Variants in KMT2C observed in about 807,000 individuals in gnomAD.
The protein encoded by KMT2C is lysine methyltransferase 2C.
A neutral mutation model predicts 507.9 loss-of-function variants in KMT2C; 88 were observed. The observed-to-expected ratio is 0.17, with a 90% CI of 0.15 to 0.21. The LOEUF is 0.21. Ranked by LOEUF, KMT2C falls within the 10% of genes least tolerant of loss-of-function variation. KMT2C has a pLI of 1.00. For synonymous variants in KMT2C, 2,049 were observed against 2,080.8 expected, an observed-to-expected ratio of 0.98 and a Z score of 0.42; for missense variants, 4,954 against 5,957.8, an observed-to-expected ratio of 0.83 and a Z score of 5.55.
chr7:152,167,430 T>C, intron 41 of KMT2C, 52 bp from the exon 42 acceptor site: 1 of 1,215,408 alleles, frequency 8.2e-7, no homozygotes, highest in Non-Finnish European at 1.2e-6. Context: ...AGTCCAACAT[T>C]ATAAGTTACA....
chr7:152,279,585 T>C (rs867214046), intron 6 of KMT2C, among the ~76,000 whole-genome samples: 1 of 152,248 alleles, frequency 6.6e-6, no homozygotes, highest in Non-Finnish European at 1.5e-5. Context: ...TGAATTGACC[T>C]GAAGTAATGA....
At chr7:152,190,274 T>C (rs567620943) in intron 31 of KMT2C, among the ~76,000 whole-genome samples, 88 of 152,308 alleles carry the variant, frequency 5.8e-4, no homozygotes, top group African/African-American at 1.9e-3. Context: ...CAAGAGTTTA[T>C]TGACAAGGAG....
Position 152,182,455 on chromosome 7 carries a change from G to A in KMT2C, c.5405C>T (p.Pro1802Leu), listed in dbSNP as rs2129121031. ...HLLVQSGSDT[P>L]SSGIQSPLTP... Reference sequence around the variant, plus strand: ...CAAGGGACTCTGTATCCCACTACTTGGTGTATCTGAACCAGACTGCACCAG... The same window carrying A: ...CAAGGGACTCTGTATCCCACTACTTAGTGTATCTGAACCAGACTGCACCAG... The change falls in exon 36 of 59, where the codon CCA becomes CTA. Residue 1802 changes from proline (P) to leucine (L), a missense_variant. This residue lies in a region of KMT2C where 1,689 missense variants were observed against 1,654.3 expected (regional missense o/e 1.02). Transcript: ENST00000262189. The A allele has an allele frequency of 6.2e-7, 1 of 1,614,036 alleles. No homozygotes were observed. The highest frequency in any genetic ancestry group is 8.5e-7 in the Non-Finnish European group (1 of 1,179,972).
At chr7:152,174,918 G>T (rs1191161116) in intron 38 of KMT2C, among the ~76,000 whole-genome samples, 7 of 152,114 alleles carry the variant, frequency 4.6e-5, no homozygotes, top group Non-Finnish European at 7.4e-5. Context: ...AAATCGCCAA[G>T]CATTTGTCAT....
chr7:152,220,680 A>C lies in KMT2C; in HGVS notation c.3555T>G (p.Thr1185=). The change falls in exon 23 of 59, where the codon ACT becomes ACG. Residue 1185 remains threonine, a synonymous_variant. Coordinates refer to ENST00000262189, the MANE Select transcript of KMT2C (RefSeq NM_170606.3). Reference sequence around the variant, plus strand: ...CTGTAACTGTGAGGCTCTGTAACTGAGTCATCCCTGATTCAGTCAAACACA... The same window carrying C: ...CTGTAACTGTGAGGCTCTGTAACTGCGTCATCCCTGATTCAGTCAAACACA... ...DGVCLTESGM[T]QLQSLTVTVP... 1 of 1,611,704 alleles carries C rather than the reference A, an allele frequency of 6.2e-7. No homozygotes were observed. The highest frequency in any genetic ancestry group is 8.5e-7 in the Non-Finnish European group (1 of 1,179,640).
intron 1 of KMT2C, among the ~76,000 whole-genome samples, chr7:152,384,553 ACCAC>A: frequency 1.4e-5 from 1 of 70,754 alleles, no homozygotes; most frequent in Non-Finnish European, 3.7e-5. Flanking sequence ...GCATAACACC[ACCAC>A]CACCACCACC....
chr7:152,259,473 CACACACACACACACACAG>C (rs2095727426), intron 9 of KMT2C, among the ~76,000 whole-genome samples: 4 of 148,868 alleles, frequency 2.7e-5, no homozygotes, highest in South Asian at 4.4e-4. Context: ...CACACACACA[CACACACACACACACACAG>C]AGAAAGCAAG....
At position 152,180,923 on chromosome 7, in the gene KMT2C, A is replaced by G. The variant is rs2093414203; in HGVS notation, c.6937T>C (p.Phe2313Leu). ...TCATGGGCAGTTTGACTTGTTCCAA[A>G]AGAGTCAGACTGAGATCTTGGAGTC... is the stretch of plus-strand genomic sequence containing the variant. ...PMTPRSQSDS[F>L]GTSQTAHDVA... The change falls in exon 36 of 59, where the codon TTT becomes CTT. Residue 2313 changes from phenylalanine to leucine, a missense_variant. Physicochemically the swap from Phe to Leu is conservative, Grantham distance 22 (BLOSUM62 0). Around this residue, in one of 29 missense-constraint regions of KMT2C, gnomAD observed 1,689 missense variants for 1,654.3 expected, o/e 1.02. Transcript: ENST00000262189. The G allele has an allele frequency of 6.2e-7, 1 of 1,614,050 alleles. No individual in the cohort carries two copies. The highest frequency in any genetic ancestry group is 1.7e-5 in the Admixed American group (1 of 59,998).
chr7:152,181,777 C>G lies in KMT2C; in HGVS notation c.6083G>C (p.Arg2028Pro), dbSNP rs778364715. The change falls in exon 36 of 59, where the codon CGA (arginine) becomes CCA (proline). Residue 2028 changes from arginine (R) to proline (P), a missense_variant. By Grantham distance (103) the Arg-to-Pro change is moderately radical (BLOSUM62 -2). Transcript: ENST00000262189. Reference protein sequence around the residue: ...QRQRIPDSYARPLLTPAPLDS... With the variant: ...QRQRIPDSYAPPLLTPAPLDS... ...AAGAGGTGCAGGTGTCAACAAGGGT[C>G]GTGCATATGAGTCAGGTATCCTTTG... 1.9e-6 allele frequency: 3 copies of G among 1,613,862 alleles called. No individual in the cohort carries two copies. The African/African-American group carries it at 4.0e-5, about 22-fold the overall frequency.
At chr7:152,320,567 T>C (rs1159212515) in intron 3 of KMT2C, among the ~76,000 whole-genome samples, 3 of 149,426 alleles carry the variant, frequency 2.0e-5, no homozygotes, top group Non-Finnish European at 4.4e-5. Flanking sequence ...GCATTTTGGA[T>C]AGGAGAAACT....
chr7:152,241,296 T>C (rs1052024931), intron 14 of KMT2C, among the ~76,000 whole-genome samples: 2 of 152,110 alleles, frequency 1.3e-5, no homozygotes, highest in African/African-American at 4.8e-5. Context: ...ACCTCCCAGG[T>C]TCAAGCGATT....
intron 23 of KMT2C, among the ~76,000 whole-genome samples, chr7:152,207,875 A>G (rs971182292): frequency 6.6e-6 from 1 of 152,192 alleles, no homozygotes; most frequent in Non-Finnish European, 1.5e-5. Flanking sequence ...ATCATCATTA[A>G]AAGGCATGGA....
rs758799285 is a variant in KMT2C, at chr7:152,252,056, G to C, written c.1504C>G (p.His502Asp). ...TCTTTGAGCTGAGTATCCAGTTCAT[G>C]ATCTGTTGGTTTGTCACACTCTAGG... ...VHLECDKPTD[H>D]ELDTQLKEEY... The change falls in exon 11 of 59, where the codon CAT (histidine) becomes GAT (aspartate). Residue 502 changes from histidine to aspartate, a missense_variant. Transcript: ENST00000262189. 3.1e-6 allele frequency: 5 copies of C among 1,611,572 alleles called. No individual in the cohort carries two copies. The highest frequency in any genetic ancestry group is 1.7e-5 in the Admixed American group (1 of 59,900).
chr7:152,175,986 T>A (rs1036614175), intron 38 of KMT2C, among the ~76,000 whole-genome samples: 1 of 152,138 alleles, frequency 6.6e-6, no homozygotes, highest in Non-Finnish European at 1.5e-5. Flanking sequence ...GAGGTTGCTG[T>A]GAGCCGAGAT....
At chr7:152,234,914 G>A (rs1188761052) in intron 16 of KMT2C, among the ~76,000 whole-genome samples, 2 of 151,974 alleles carry the variant, frequency 1.3e-5, no homozygotes, top group African/African-American at 2.4e-5. Flanking sequence ...AAGTGCACAG[G>A]TCTACAACCA....
chr7:152,249,882 T>G lies in KMT2C; in HGVS notation c.1807A>C (p.Ile603Leu), dbSNP rs1387184686. The change falls in exon 13 of 59, where the codon ATT (isoleucine) becomes CTT (leucine). Residue 603 changes from isoleucine to leucine, a missense_variant. Physicochemically the swap from Ile to Leu is conservative, Grantham distance 5. Transcript: ENST00000262189. Reference sequence around the variant, plus strand: ...ATATGAACATACTGCTTACCAGCAATAAGAAGACTATCTGTGTCAAGACTT... The same window carrying G: ...ATATGAACATACTGCTTACCAGCAAGAAGAAGACTATCTGTGTCAAGACTT... Reference protein sequence around the residue: ...SESLDTDSLLIAVSSQHTVNT... With the variant: ...SESLDTDSLLLAVSSQHTVNT... The G allele has an allele frequency of 6.3e-7, 1 of 1,576,386 alleles. No individual in the cohort carries two copies. The highest frequency in any genetic ancestry group is 1.7e-5 in the Admixed American group (1 of 59,906).
At chr7:152,179,379 C>A (rs546232418) in intron 37 of KMT2C, among the ~76,000 whole-genome samples, 2 of 152,170 alleles carry the variant, frequency 1.3e-5, no homozygotes, top group Non-Finnish European at 2.9e-5. Context: ...GCTTTGCCTA[C>A]GCAGAATAGC....
At chr7:152,420,814 CAGAA>C (rs1170635876) in intron 1 of KMT2C, among the ~76,000 whole-genome samples, 2 of 150,394 alleles carry the variant, frequency 1.3e-5, no homozygotes, top group Non-Finnish European at 3.0e-5. Context: ...CAGACTGTAA[CAGAA>C]AGAGACTCCA....
intron 1 of KMT2C, among the ~76,000 whole-genome samples, chr7:152,364,934 GACACACACACACAC>G (rs71198778): frequency 5.1e-5 from 7 of 138,058 alleles, no homozygotes; most frequent in Non-Finnish European, 9.5e-5. Context: ...GAAACAGACA[GACACACACACACAC>G]ACACACACAC....
Sources: gnomAD v4.1 joint callset for allele counts (sites outside exome capture counted in the v4.1 genomes callset) on GRCh38, gnomAD v4.1.1 for gene constraint, gnomAD v4.1.1 regional missense constraint, MANE v1.5 for transcripts, NCBI Gene and HGNC (gene_info 2026-07-23, HGNC 2026-07-21) for gene names.